Variants in THSD4 observed in about 807,000 individuals in gnomAD.
The protein encoded by THSD4 is thrombospondin type-1 domain-containing protein 4.
THSD4 carries 69 observed loss-of-function variants against 119.0 expected under a neutral mutation model. The observed-to-expected ratio is 0.58, with a 90% CI of 0.48 to 0.71. THSD4 has a LOEUF of 0.71. THSD4 is among the 30% of genes least tolerant of loss of function. The pLI is 0.00. For synonymous variants in THSD4, 524 were observed against 540.4 expected (o/e 0.97, Z 0.42); for missense variants, 1,393 against 1,391.1 (o/e 1.00, Z -0.02).
chr15:71,604,705 A>T (rs145503725), intron 7 of THSD4, among the ~76,000 whole-genome samples: 33 of 152,356 alleles, frequency 2.2e-4, no homozygotes, highest in Non-Finnish European at 3.8e-4. Flanking sequence ...GGAAATGTAT[A>T]TGTATCATTC....
chr15:71,628,845 C>T (rs1424078310), intron 7 of THSD4, among the ~76,000 whole-genome samples: 1 of 152,166 alleles, frequency 6.6e-6, no homozygotes, highest in East Asian at 1.9e-4. Context: ...CCTGCTGAGG[C>T]ACCAGCCAGG....
intron 7 of THSD4, among the ~76,000 whole-genome samples, chr15:71,503,214 G>T (rs114776516): frequency 6.6e-6 from 1 of 152,170 alleles, no homozygotes; most frequent in Non-Finnish European, 1.5e-5. Context: ...GGAACAGCAC[G>T]TGCAAAGACA....
chr15:71,744,467 C>T (rs2053296826), intron 11 of THSD4, among the ~76,000 whole-genome samples: 1 of 152,092 alleles, frequency 6.6e-6, no homozygotes, highest in African/African-American at 2.4e-5. Context: ...ATTAGAAGAA[C>T]ATGAAAGACG....
At chr15:71,580,192 G>A (rs1023517406) in intron 7 of THSD4, among the ~76,000 whole-genome samples, 14 of 152,082 alleles carry the variant, frequency 9.2e-5, no homozygotes, top group African/African-American at 3.4e-4. Flanking sequence ...GGTGACCTGC[G>A]AGCTGGACTT....
chr15:71,319,910 T>G (rs2045244569), intron 6 of THSD4, among the ~76,000 whole-genome samples: 2 of 152,206 alleles, frequency 1.3e-5, no homozygotes, highest in Admixed American at 6.5e-5. Context: ...TTACAGGAGT[T>G]CTCAGAGCTC....
At chr15:71,517,497 T>C (rs1366980173) in intron 7 of THSD4, among the ~76,000 whole-genome samples, 3 of 152,216 alleles carry the variant, frequency 2.0e-5, no homozygotes, top group Non-Finnish European at 4.4e-5. Context: ...TTTAAGTATA[T>C]TTGGATTTTG....
At chr15:71,199,627 G>GGT (rs1221875500) in intron 3 of THSD4, among the ~76,000 whole-genome samples, 2 of 68,916 alleles carry the variant, frequency 2.9e-5, no homozygotes, top group African/African-American at 1.5e-4. Context: ...GTGGGTGTGT[G>GGT]GTGTGTGTGG....
rs376871701 is a variant in THSD4 at position 71,757,940 on chromosome 15, G to C, written c.2454G>C (p.Ser818=). 1 of 1,613,832 alleles carries C rather than the reference G, an allele frequency of 6.2e-7. No homozygotes were observed. Among genetic ancestry groups the C allele is most frequent in the African/African-American group, 1.3e-5 (1 of 74,922 alleles). Reference sequence around the variant, plus strand: ...GTGGGGCCGGAGTGCGGACACGCTCGGTGGTGTGCATGACCAACCATGTCA... The same window carrying C: ...GTGGGGCCGGAGTGCGGACACGCTCCGTGGTGTGCATGACCAACCATGTCA... ...AECGAGVRTR[S]VVCMTNHVSS... The change falls in exon 15 of 18, where the codon TCG becomes TCC. Residue 818 remains serine (S), a synonymous_variant. Coordinates refer to ENST00000261862, the MANE Select transcript of THSD4 (RefSeq NM_024817.3).
intron 7 of THSD4, among the ~76,000 whole-genome samples, chr15:71,503,332 G>A (rs1005878481): frequency 3.3e-5 from 5 of 152,160 alleles, no homozygotes; most frequent in Admixed American, 3.3e-4. Flanking sequence ...GGGTAGGTAG[G>A]CATCAGAGCA....
chr15:71,517,771 C>T (rs1442374239), intron 7 of THSD4, among the ~76,000 whole-genome samples: 2 of 152,182 alleles, frequency 1.3e-5, no homozygotes, highest in Non-Finnish European at 2.9e-5. Flanking sequence ...AATTTTTGAC[C>T]ATGCTTCTCT....
chr15:71,708,266 G>A (rs552366337), intron 8 of THSD4, among the ~76,000 whole-genome samples: 2 of 152,192 alleles, frequency 1.3e-5, no homozygotes, highest in African/African-American at 2.4e-5. Context: ...TATTTTACAC[G>A]ATGATAATAA....
At chr15:71,725,271 C>T (rs2052811017) in intron 8 of THSD4, among the ~76,000 whole-genome samples, 3 of 148,276 alleles carry the variant, frequency 2.0e-5, no homozygotes, top group South Asian at 4.5e-4. Context: ...ACACTGAGGC[C>T]GGGGTTGGGT....
chr15:71,713,114 T>C (rs910233734), intron 8 of THSD4, among the ~76,000 whole-genome samples: 2 of 152,224 alleles, frequency 1.3e-5, no homozygotes, highest in Non-Finnish European at 2.9e-5. Context: ...TTTAAAAGGC[T>C]TTTGGGTAAT....
At chr15:71,319,327 G>C (rs1217482920) in intron 6 of THSD4, among the ~76,000 whole-genome samples, 1 of 151,704 alleles carries the variant, frequency 6.6e-6, no homozygotes, top group Non-Finnish European at 1.5e-5. Context: ...GTGCCATGTT[G>C]GTGTGCTGTA....
chr15:71,529,154 A>AG (rs1344092049), intron 7 of THSD4, among the ~76,000 whole-genome samples: 1 of 152,226 alleles, frequency 6.6e-6, no homozygotes. Flanking sequence ...TGAGGGGCAT[A>AG]GAGCCTCTGG....
intron 7 of THSD4, among the ~76,000 whole-genome samples, chr15:71,566,131 C>A (rs567414684): frequency 2.6e-4 from 38 of 143,812 alleles, no homozygotes; most frequent in Non-Finnish European, 4.0e-4. Context: ...TCTTTTCTTT[C>A]TTTCTTTTTT....
At chr15:71,741,296 G>A (rs1157072958) in intron 11 of THSD4, among the ~76,000 whole-genome samples, 2 of 152,068 alleles carry the variant, frequency 1.3e-5, no homozygotes, top group African/African-American at 4.8e-5. Flanking sequence ...TTCAAGAGCA[G>A]CCTGGCCAAC....
At chr15:71,174,129 C>A (rs1028299899) in intron 3 of THSD4, among the ~76,000 whole-genome samples, 3 of 152,164 alleles carry the variant, frequency 2.0e-5, no homozygotes, top group African/African-American at 7.2e-5. Context: ...AAGACACTAT[C>A]GAGCAGAAAT....
intron 7 of THSD4, among the ~76,000 whole-genome samples, chr15:71,654,691 C>T (rs886360100): frequency 3.3e-5 from 5 of 152,178 alleles, no homozygotes; most frequent in South Asian, 4.1e-4. Flanking sequence ...TGCATTTCCA[C>T]GAATTAGCTC....
Sources: allele counts gnomAD v4.1 joint callset (sites outside exome capture counted in the v4.1 genomes callset), GRCh38; gene constraint gnomAD v4.1.1; transcripts MANE v1.5; gene names NCBI Gene and HGNC (gene_info 2026-07-23, HGNC 2026-07-21).